Variants in SHTN1 observed in about 807,000 individuals in gnomAD.
The protein encoded by SHTN1 is shootin 1.
In SHTN1, 42 loss-of-function variants were observed where a neutral mutation model predicts 83.1. The observed-to-expected ratio is 0.51, with a 90% confidence interval of 0.39 to 0.65. The LOEUF is 0.65. SHTN1 is among the 30% of genes least tolerant of loss of function. The pLI is 0.00. For synonymous variants in SHTN1, 224 were observed against 247.7 expected (o/e 0.90, Z 0.90); for missense variants, 622 against 737.8 (o/e 0.84, Z 1.82).
chr10:117,068,425 G>T (rs1046141414), intron 1 of SHTN1, among the ~76,000 whole-genome samples: 1 of 152,032 alleles, frequency 6.6e-6, no homozygotes, highest in South Asian at 2.1e-4. Flanking sequence ...CAATATAGTA[G>T]TGGGCACCAA....
chr10:116,905,118 GT>G (rs1482989913), intron 15 of SHTN1, among the ~76,000 whole-genome samples: 2 of 150,200 alleles, frequency 1.3e-5, no homozygotes, highest in East Asian at 2.0e-4. Context: ...GGAGAATGGC[GT>G]TGAACCCGGG....
chr10:116,972,744 G>A (rs1391936942), intron 2 of SHTN1, among the ~76,000 whole-genome samples: 1 of 152,176 alleles, frequency 6.6e-6, no homozygotes, highest in East Asian at 1.9e-4. Flanking sequence ...TAATTATGAT[G>A]CCCAACGATT....
intron 1 of SHTN1, among the ~76,000 whole-genome samples, chr10:117,091,975 C>G (rs1853436199): frequency 6.6e-6 from 1 of 152,182 alleles, no homozygotes. Flanking sequence ...GCTTTACATA[C>G]AGTGTCTCAT....
intron 1 of SHTN1, among the ~76,000 whole-genome samples, chr10:117,053,645 G>A (rs555361857): frequency 3.9e-5 from 6 of 152,258 alleles, no homozygotes; most frequent in South Asian, 4.1e-4. Context: ...GAACCCTCAC[G>A]CATTGCTAGT....
At chr10:117,091,719 C>G (rs1853432799) in intron 1 of SHTN1, among the ~76,000 whole-genome samples, 1 of 152,182 alleles carries the variant, frequency 6.6e-6, no homozygotes, top group Non-Finnish European at 1.5e-5. Flanking sequence ...GCTGGTCCTT[C>G]CACTGGGAAA....
intron 9 of SHTN1, among the ~76,000 whole-genome samples, chr10:116,935,536 G>A (rs533870295): frequency 4.6e-5 from 7 of 152,248 alleles, no homozygotes; most frequent in South Asian, 2.1e-4. Flanking sequence ...TGGTAGATAA[G>A]CTTTTGGATG....
chr10:116,963,007 A>G (rs1158494012), intron 3 of SHTN1, among the ~76,000 whole-genome samples: 1 of 132,282 alleles, frequency 7.6e-6, no homozygotes, highest in East Asian at 2.3e-4. Context: ...TAATATGTAA[A>G]TTTATTTGCA....
At chr10:116,959,512 T>C (rs1055707989) in intron 4 of SHTN1, among the ~76,000 whole-genome samples, 6 of 152,216 alleles carry the variant, frequency 3.9e-5, no homozygotes, top group African/African-American at 1.4e-4. Context: ...CACTTTCTGA[T>C]GAAGTGGTTC....
chr10:117,021,015 AT>A (rs1204139851), intron 2 of SHTN1, among the ~76,000 whole-genome samples: 1 of 152,240 alleles, frequency 6.6e-6, no homozygotes, highest in Non-Finnish European at 1.5e-5. Context: ...AAAGGAAGAT[AT>A]ATAAATGGCC....
intron 4 of SHTN1, among the ~76,000 whole-genome samples, chr10:116,956,016 C>T (rs1849967168): frequency 6.6e-6 from 1 of 152,190 alleles, no homozygotes; most frequent in South Asian, 2.1e-4. Flanking sequence ...CTCAAGGACC[C>T]TCACTTGTCA....
intron 2 of SHTN1, chr10:116,974,054 GT>G (rs1236216403): frequency 1.9e-6 from 2 of 1,063,524 alleles, no homozygotes; most frequent in Non-Finnish European, 2.3e-6. Flanking sequence ...CTCTTTTGGT[GT>G]TCTTCTTTCT....
intron 1 of SHTN1, among the ~76,000 whole-genome samples, chr10:117,055,083 T>TA: frequency 6.6e-6 from 1 of 152,094 alleles, no homozygotes; most frequent in Admixed American, 6.6e-5. Context: ...AGGCACGTCT[T>TA]ACATGGCAGC....
At chr10:117,006,089 G>A (rs1407115519), upstream of SHTN1, among the ~76,000 whole-genome samples, 1 of 152,174 alleles carries the variant, frequency 6.6e-6, no homozygotes, top group Non-Finnish European at 1.5e-5. Context: ...CTAGTTGCGA[G>A]CTAACCTTTG....
At chr10:116,914,436 C>A (rs1410164438) in intron 13 of SHTN1, among the ~76,000 whole-genome samples, 2 of 151,464 alleles carry the variant, frequency 1.3e-5, no homozygotes, top group Non-Finnish European at 2.9e-5. Flanking sequence ...TGCGCCACTG[C>A]ACTCTAGCCT....
At chr10:117,035,845 G>T (rs1218156244) in intron 2 of SHTN1, among the ~76,000 whole-genome samples, 2 of 149,684 alleles carry the variant, frequency 1.3e-5, no homozygotes, top group African/African-American at 2.4e-5. Context: ...TACTCAGGAG[G>T]CTGAGGCAGG....
intron 16 of SHTN1, among the ~76,000 whole-genome samples, chr10:116,896,006 G>A (rs901443337): frequency 2.6e-5 from 4 of 152,054 alleles, no homozygotes; most frequent in Non-Finnish European, 5.9e-5. Flanking sequence ...TTCCATTACC[G>A]ATAGCCTCCA....
At position 116,912,648 on chromosome 10, in the gene SHTN1, G is replaced by A. The variant is rs967755828; in HGVS notation, c.1306-805C>T. 5.3e-5 allele frequency among the ~76,000 whole-genome samples: 8 copies of A among 152,188 alleles called. No individual in the cohort carries two copies. The East Asian group carries it at 1.5e-3, about 29-fold the overall frequency. On this transcript the variant is annotated intron_variant, in intron 13 of 16. Coordinates refer to ENST00000355371, the MANE Select transcript of SHTN1 (RefSeq NM_001127211.3). ...CAGATCACTCAACTAATTTAATGGA[G>A]GGAAAATTTAGCATGAGGACCTCAT...
At chr10:117,075,810 T>C (rs1293780167) in intron 1 of SHTN1, among the ~76,000 whole-genome samples, 2 of 152,196 alleles carry the variant, frequency 1.3e-5, no homozygotes, top group African/African-American at 2.4e-5. Flanking sequence ...AAGGAGGAAA[T>C]AGCTAGAGAT....
chr10:117,126,370 G>A (rs1854008728), exon 1 of SHTN1: 4 of 171,940 alleles, frequency 2.3e-5, no homozygotes, highest in Admixed American at 1.8e-4. Flanking sequence ...TGCGTGAGGT[G>A]CCGGGTCCAG....
Sources: gnomAD v4.1 joint callset for allele counts (sites outside exome capture counted in the v4.1 genomes callset) on GRCh38, gnomAD v4.1.1 for gene constraint, MANE v1.5 for transcripts, NCBI Gene and HGNC (gene_info 2026-07-23, HGNC 2026-07-21) for gene names.